SFXN4: variants seen among roughly 807,000 people sequenced by gnomAD.
SFXN4 encodes sideroflexin-4.
SFXN4 carries 48 observed loss-of-function variants against 54.6 expected under a neutral mutation model. The ratio of observed to expected loss-of-function variants is 0.88; its 90% CI spans 0.70 to 1.12. The LOEUF (loss-of-function observed/expected upper bound fraction) is 1.12. Ranked by LOEUF, SFXN4 falls within the 50% of genes most tolerant of loss-of-function variation. The pLI is 0.00. For synonymous variants in SFXN4, 130 were observed against 145.5 expected, an observed-to-expected ratio of 0.89 and a Z score of 0.77; for missense variants, 383 against 409.2, an observed-to-expected ratio of 0.94 and a Z score of 0.55.
chr10:119,164,773 T>TA (rs1389777884), intron 1 of SFXN4, among the ~76,000 whole-genome samples: 27 of 147,996 alleles, frequency 1.8e-4, no homozygotes, highest in South Asian at 4.3e-4. Flanking sequence ...TTTCCCCACC[T>TA]AAAAAAAAAA....
rs770288053 is a variant in SFXN4 at position 119,141,345 on chromosome 10, T to C, written c.937-26A>G. On this transcript the variant is annotated intron_variant, in intron 13 of 13. Transcript: ENST00000355697. ...CTGAAAAATAGTTAAATTCATAATG[T>C]TTCTATTAATAGTTTTTCTTGCCTT... is the stretch of plus-strand genomic sequence containing the variant. The C allele has an allele frequency of 2.8e-6, 4 of 1,418,172 alleles. No individual in the cohort carries two copies. The South Asian group carries it at 3.7e-5, about 13-fold the overall frequency. The allele number at this position is 1,418,172 out of a possible 1,614,324, so 87.8% of individuals were successfully genotyped here.
At chr10:119,153,415 AAG>A (rs1480886122) in intron 11 of SFXN4, among the ~76,000 whole-genome samples, 84 of 149,862 alleles carry the variant, frequency 5.6e-4, no homozygotes, top group African/African-American at 2.0e-3. Context: ...AAAAAAAAAA[AAG>A]AAAGAAAAGA....
At chr10:119,158,179 G>T in intron 6 of SFXN4, 117 bp from the exon 7 acceptor site, 1 of 953,628 alleles carries the variant, frequency 1.0e-6, no homozygotes. Flanking sequence ...TGGGGCAGGA[G>T]AGGATGGTGG....
Position 119,156,681 on chromosome 10 carries a change from G to A in SFXN4, c.613C>T (p.Leu205Phe). ...WIKRLLPVIF[L>F]VQASGMNVYM... ...GCCTCCAGCCCTTCCTGCTCACCGA[G>A]GAAGATCACAGGTAAGAGTCTTTTA... The change falls in exon 10 of 14, where the codon CTC (leucine) becomes TTC (phenylalanine). Residue 205 changes from leucine (L) to phenylalanine (F), a missense_variant. Transcript: ENST00000355697. 1 of 1,608,546 alleles carries A rather than the reference G, an allele frequency of 6.2e-7. No homozygotes were observed. Among genetic ancestry groups the A allele is most frequent in the South Asian group, 1.1e-5 (1 of 90,142 alleles).
chr10:119,152,500 G>A (rs771967815), intron 11 of SFXN4, among the ~76,000 whole-genome samples: 1 of 152,022 alleles, frequency 6.6e-6, no homozygotes, highest in African/African-American at 2.4e-5. Flanking sequence ...GGCTGGTCTC[G>A]AACTCCTGAC....
intron 1 of SFXN4, chr10:119,165,308 G>T (rs1202126177): frequency 8.7e-6 from 11 of 1,260,140 alleles, no homozygotes; most frequent in African/African-American, 3.2e-5. Flanking sequence ...GCAATCTGGA[G>T]GGTGACGTTG....
chr10:119,147,329 C>T (rs143889177), intron 12 of SFXN4, among the ~76,000 whole-genome samples: 2 of 152,374 alleles, frequency 1.3e-5, no homozygotes, highest in East Asian at 3.9e-4. Context: ...TGCCCAGGTC[C>T]TCCGCCTCGT....
At chr10:119,156,422 C>CGGA (rs1847281920) in intron 10 of SFXN4, among the ~76,000 whole-genome samples, 1 of 152,178 alleles carries the variant, frequency 6.6e-6, no homozygotes, top group Non-Finnish European at 1.5e-5. Context: ...GAGCAAGACT[C>CGGA]CGTCTCAAGA....
chr10:119,153,001 T>A (rs1847132980), intron 11 of SFXN4, among the ~76,000 whole-genome samples: 1 of 152,062 alleles, frequency 6.6e-6, no homozygotes, highest in Admixed American at 6.6e-5. Context: ...CCAAAAAAGA[T>A]CTCACCTGCT....
intron 12 of SFXN4, 93 bp from the exon 13 acceptor site, chr10:119,146,446 TGTG>T: frequency 1.7e-6 from 1 of 583,396 alleles, no homozygotes; most frequent in Non-Finnish European, 3.0e-6. Flanking sequence ...TGTGTGTGTG[TGTG>T]TGTGTGTGTG....
In SFXN4 at chr10:119,165,429, G is replaced by A. The variant is rs530641878; in HGVS notation, c.111+108C>T. On this transcript the variant is annotated intron_variant, in intron 1 of 13. Coordinates refer to ENST00000355697, the MANE Select transcript of SFXN4 (RefSeq NM_213649.2). ...CACAACTCCGAGAGGAGGAAACGGAGACAGGGGGCGCCCACGTGGCCTGGC... is the reference window on the plus strand; with the variant it reads ...CACAACTCCGAGAGGAGGAAACGGAAACAGGGGGCGCCCACGTGGCCTGGC... The A allele has an allele frequency of 8.9e-6, 12 of 1,348,618 alleles. No homozygotes were observed. In the African/African-American group the frequency reaches 1.7e-4, roughly 19 times the overall value. The allele number at this position is 1,348,618 out of a possible 1,614,324, so 83.5% of individuals were successfully genotyped here. A position where few individuals can be genotyped will look rare whatever the true frequency, so the allele number is the denominator to read the frequency against.
chr10:119,161,081 T>C lies in SFXN4; in HGVS notation c.253A>G (p.Ile85Val). The change falls in exon 4 of 14, where the codon ATA becomes GTA. Residue 85 changes from isoleucine to valine, a missense_variant and splice_region_variant. Physicochemically the swap from Ile to Val is conservative, Grantham distance 29. Coordinates refer to ENST00000355697, the MANE Select transcript of SFXN4 (RefSeq NM_213649.2). ...VSSPASADQR[I>V]QEAWKRSLAT... is the part of the protein sequence containing the mutation. ...AGACTCCGCTTCCAAGCTTCTTGTATCTTAAAGGAGAAAAAAGAATAGCTT... is the reference window on the plus strand; with the variant it reads ...AGACTCCGCTTCCAAGCTTCTTGTACCTTAAAGGAGAAAAAAGAATAGCTT... 1 of 1,613,944 alleles carries C rather than the reference T, an allele frequency of 6.2e-7. No homozygotes were observed.
chr10:119,159,833 A>G (rs1847444430), intron 5 of SFXN4, 80 bp from the exon 6 acceptor site: 2 of 1,441,980 alleles, frequency 1.4e-6, no homozygotes, highest in South Asian at 1.1e-5. Context: ...TACCCACCTG[A>G]ACACCTCTTC....
chr10:119,158,989 CA>C (rs1847399699), intron 6 of SFXN4, among the ~76,000 whole-genome samples: 1 of 151,438 alleles, frequency 6.6e-6, no homozygotes, highest in African/African-American at 2.4e-5. Flanking sequence ...TTTTAAAAAA[CA>C]AAAAACGGTC....
Position 119,165,558 on chromosome 10 carries a change from G to A in SFXN4, c.90C>T (p.Arg30=). 1 of 1,589,106 alleles carries A rather than the reference G, an allele frequency of 6.3e-7. No individual in the cohort carries two copies. Among genetic ancestry groups the A allele is most frequent in the Non-Finnish European group, 8.5e-7 (1 of 1,170,254 alleles). Residue 30 remains arginine, a synonymous_variant, in exon 1 of 14, where the codon CGC becomes CGT. Coordinates refer to ENST00000355697, the MANE Select transcript of SFXN4 (RefSeq NM_213649.2). Reference sequence around the variant, plus strand: ...GTACTTGGCGCTCGGTGATCCAGAAGCGCACGTTGGGCTCAATGAAGGCGG... The same window carrying A: ...GTACTTGGCGCTCGGTGATCCAGAAACGCACGTTGGGCTCAATGAAGGCGG... ...AVPAFIEPNV[R]FWITERQSFI... is the part of the protein sequence containing the mutation.
chr10:119,148,955 C>T (rs186656353), intron 11 of SFXN4, among the ~76,000 whole-genome samples: 39 of 152,162 alleles, frequency 2.6e-4, no homozygotes, highest in East Asian at 5.8e-4. Flanking sequence ...AGCGTGATCA[C>T]GGCTCACTGC....
At chr10:119,161,006 G>C (rs1470854640) in intron 4 of SFXN4, 37 bp from the exon 5 acceptor site, 2 of 1,613,978 alleles carry the variant, frequency 1.2e-6, no homozygotes, top group Non-Finnish European at 1.7e-6. Flanking sequence ...CTGGATGTCT[G>C]GTTTTGTTAT....
chr10:119,155,314 C>G (rs1847237837), intron 10 of SFXN4, 137 bp from the exon 11 acceptor site: 1 of 632,758 alleles, frequency 1.6e-6, no homozygotes, highest in African/African-American at 1.8e-5. Context: ...AGGTGGACAC[C>G]TGCCATAGGC....
At chr10:119,148,571 G>A (rs1846917956) in intron 11 of SFXN4, among the ~76,000 whole-genome samples, 2 of 152,134 alleles carry the variant, frequency 1.3e-5, no homozygotes, top group Non-Finnish European at 2.9e-5. Flanking sequence ...TCTCATACCT[G>A]CCATTGGGGA....
Sources: gnomAD v4.1 joint callset for allele counts (sites outside exome capture counted in the v4.1 genomes callset) on GRCh38, gnomAD v4.1.1 for gene constraint, MANE v1.5 for transcripts, NCBI Gene and HGNC (gene_info 2026-07-23, HGNC 2026-07-21) for gene names.